The following DENND1B variants were observed in gnomAD, a reference collection of about 807,000 sequenced individuals.
The protein encoded by DENND1B is DENN domain containing 1B.
A neutral mutation model predicts 90.1 loss-of-function variants in DENND1B; 59 were observed. That is an observed-to-expected ratio of 0.65 (90% CI 0.53 to 0.81). The LOEUF (loss-of-function observed/expected upper bound fraction) is 0.81. DENND1B is among the 40% of genes least tolerant of loss of function. DENND1B has a pLI of 0.00. For synonymous variants in DENND1B, 337 were observed against 324.6 expected, an observed-to-expected ratio of 1.04 and a Z score of -0.41; for missense variants, 862 against 912.6, an observed-to-expected ratio of 0.94 and a Z score of 0.71.
intron 5 of DENND1B, among the ~76,000 whole-genome samples, chr1:197,668,665 G>A (rs1030312738): frequency 2.4e-4 from 36 of 151,346 alleles, no homozygotes; most frequent in African/African-American, 7.5e-4. Context: ...TATACATTGT[G>A]GAATGACTAA....
chr1:197,763,967 G>T (rs1367341631), intron 2 of DENND1B, among the ~76,000 whole-genome samples: 1 of 152,210 alleles, frequency 6.6e-6, no homozygotes, highest in African/African-American at 2.4e-5. Flanking sequence ...GAATGAGAGG[G>T]CTGAATACTT....
intron 14 of DENND1B, among the ~76,000 whole-genome samples, chr1:197,592,454 A>G (rs186381948): frequency 6.6e-6 from 1 of 152,186 alleles, no homozygotes; most frequent in Non-Finnish European, 1.5e-5. Flanking sequence ...TAATTAACAA[A>G]TCATATATGA....
intron 2 of DENND1B, among the ~76,000 whole-genome samples, chr1:197,738,211 G>T (rs1662892453): frequency 6.6e-6 from 1 of 152,174 alleles, no homozygotes; most frequent in Non-Finnish European, 1.5e-5. Flanking sequence ...AACTGGAAAA[G>T]AAGCTTTCAT....
rs188502193 is a variant in DENND1B at position 197,649,610 on chromosome 1, A to C, written c.448-2496T>G. On this transcript the variant is annotated intron_variant, in intron 7 of 22. Coordinates refer to ENST00000620048, the MANE Select transcript of DENND1B (RefSeq NM_001195215.2). The stretch of plus-strand genomic sequence containing the variant: ...CTTCGACAAAGCAAACAAAAACATA[A>C]AGCAGAGAAATGACACTCTTTTCAA... Among the ~76,000 whole-genome samples, 110 of 152,268 alleles carry C rather than the reference A, an allele frequency of 7.2e-4. 1 individual carries two copies. The Middle Eastern group carries it at 0.01, about 14-fold the overall frequency.
At chr1:197,698,523 C>G (rs1160036695) in intron 3 of DENND1B, among the ~76,000 whole-genome samples, 1 of 151,452 alleles carries the variant, frequency 6.6e-6, no homozygotes, top group Non-Finnish European at 1.5e-5. Context: ...CAAGATCAAA[C>G]TAATCCAAAA....
intron 10 of DENND1B, among the ~76,000 whole-genome samples, chr1:197,635,791 A>C (rs557094030): frequency 1.1e-4 from 17 of 152,350 alleles, no homozygotes; most frequent in Non-Finnish European, 2.2e-4. Flanking sequence ...CCTTCTGTAA[A>C]GCAAACCAGA....
chr1:197,698,494 A>G (rs988237433), intron 3 of DENND1B, among the ~76,000 whole-genome samples: 1 of 152,078 alleles, frequency 6.6e-6, no homozygotes, highest in African/African-American at 2.4e-5. Flanking sequence ...TAACATCACA[A>G]TTAAAAGAGC....
intron 17 of DENND1B, 59 bp from the exon 18 acceptor site, chr1:197,546,049 C>A: frequency 1.4e-6 from 2 of 1,391,254 alleles, no homozygotes; most frequent in Non-Finnish European, 2.0e-6. Context: ...ATCCTGAAAA[C>A]AAAGTATTAC....
At chr1:197,717,805 A>T (rs552013614) in intron 2 of DENND1B, among the ~76,000 whole-genome samples, 1 of 152,092 alleles carries the variant, frequency 6.6e-6, no homozygotes, top group African/African-American at 2.4e-5. Context: ...TACCAGTGTG[A>T]TTCTACTACA....
rs1446170564 is a variant in DENND1B at position 197,510,820 on chromosome 1, C to CA, written c.1967dup (p.Leu656PhefsTer14). 1.2e-6 allele frequency: 2 copies of CA among 1,612,220 alleles called. No homozygotes were observed. Among genetic ancestry groups the CA allele is most frequent in the Non-Finnish European group, 1.7e-6 (2 of 1,179,008 alleles). ...CTTTCAGGATAAACAGAGAATCTGTCAAACCACTAGAGGAAACCCGCTTCC... is the reference window on the plus strand; with the variant it reads ...CTTTCAGGATAAACAGAGAATCTGTCAAAACCACTAGAGGAAACCCGCTTCC... On this transcript the variant is annotated frameshift_variant, in exon 23 of 23. Coordinates refer to ENST00000620048, the MANE Select transcript of DENND1B (RefSeq NM_001195215.2). LOFTEE classifies it low-confidence loss of function (END_TRUNC).
At chr1:197,617,580 A>C (rs1677771328) in intron 11 of DENND1B, 79 bp downstream of exon 11, 1 of 1,005,486 alleles carries the variant, frequency 9.9e-7, no homozygotes, top group Non-Finnish European at 1.5e-6. Context: ...TATGCCCCCA[A>C]GTTTACCTAG....
At chr1:197,680,289 C>A (rs544628593) in intron 3 of DENND1B, among the ~76,000 whole-genome samples, 4 of 152,212 alleles carry the variant, frequency 2.6e-5, no homozygotes, top group Non-Finnish European at 5.9e-5. Flanking sequence ...AATATATCTC[C>A]GCTTCATTCA....
intron 14 of DENND1B, among the ~76,000 whole-genome samples, chr1:197,583,611 TG>T (rs1674437343): frequency 6.6e-6 from 1 of 152,182 alleles, no homozygotes; most frequent in South Asian, 2.1e-4. Flanking sequence ...TGGAAAACAC[TG>T]TTACTATAAA....
At chr1:197,559,602 T>C (rs1338369800) in intron 15 of DENND1B, among the ~76,000 whole-genome samples, 1 of 151,952 alleles carries the variant, frequency 6.6e-6, no homozygotes, top group Non-Finnish European at 1.5e-5. Context: ...AAAATAGTTT[T>C]AAAAATCAAT....
intron 15 of DENND1B, among the ~76,000 whole-genome samples, chr1:197,559,754 A>C (rs1672013177): frequency 6.6e-6 from 1 of 151,910 alleles, no homozygotes; most frequent in African/African-American, 2.4e-5. Context: ...TTCTTCTTAG[A>C]AATGTTCAGT....
chr1:197,743,552 T>C (rs1444573668), intron 2 of DENND1B, among the ~76,000 whole-genome samples: 4 of 152,328 alleles, frequency 2.6e-5, no homozygotes, highest in East Asian at 1.9e-4. Flanking sequence ...AAGGCTAGGA[T>C]GGCTGTGGAA....
intron 3 of DENND1B, among the ~76,000 whole-genome samples, chr1:197,688,582 T>G (rs1293009440): frequency 2.0e-5 from 3 of 152,084 alleles, no homozygotes; most frequent in African/African-American, 7.2e-5. Flanking sequence ...GGATAGTCTC[T>G]TCAACAAACA....
At chr1:197,512,001 G>A (rs1668064933) in intron 21 of DENND1B, 57 bp from the exon 22 acceptor site, 2 of 1,311,004 alleles carry the variant, frequency 1.5e-6, no homozygotes, top group Admixed American at 4.3e-5. Flanking sequence ...CTGCATGTAA[G>A]TAATCTCTCA....
chr1:197,525,678 A>C (rs972835879), intron 20 of DENND1B, among the ~76,000 whole-genome samples: 2 of 152,098 alleles, frequency 1.3e-5, no homozygotes, highest in Non-Finnish European at 2.9e-5. Flanking sequence ...AATATTTGTT[A>C]GTAAAATAAT....
Sources: allele counts gnomAD v4.1 joint callset (sites outside exome capture counted in the v4.1 genomes callset), GRCh38; gene constraint gnomAD v4.1.1; transcripts MANE v1.5; gene names NCBI Gene and HGNC (gene_info 2026-07-23, HGNC 2026-07-21).